Variants in ADCY5 observed in about 807,000 individuals in gnomAD.
ADCY5 encodes the protein adenylate cyclase type 5.
Under a neutral mutation model 119.7 loss-of-function variants are expected in ADCY5, and 30 were observed. The observed-to-expected ratio is 0.25, with a 90% confidence interval of 0.19 to 0.34. ADCY5 has a LOEUF of 0.34. ADCY5 is among the 10% of genes least tolerant of loss of function. ADCY5 has a pLI of 1.00. For missense variants in ADCY5, 1,324 were observed against 1,775.2 expected, an observed-to-expected ratio of 0.75 and a Z score of 4.57; for synonymous variants, 753 against 762.2, an observed-to-expected ratio of 0.99 and a Z score of 0.20.
In ADCY5 at chr3:123,428,686, T is replaced by C. The variant is rs1576691228; in HGVS notation, c.1134+18726A>G. Among the ~76,000 whole-genome samples the C allele has an allele frequency of 2.0e-5, 3 of 152,366 alleles. No homozygotes were observed. The South Asian group carries it at 6.2e-4, about 32-fold the overall frequency. ...AAAGGAGAACCTGATAACGTCAATC[T>C]GTTCTCCCCCTGGGAAGAGCACTGG... On this transcript the variant is annotated intron_variant, in intron 1 of 20. Coordinates refer to ENST00000462833, the MANE Select transcript of ADCY5 (RefSeq NM_183357.3).
intron 1 of ADCY5, among the ~76,000 whole-genome samples, chr3:123,416,981 C>T (rs182430957): frequency 3.9e-5 from 6 of 152,184 alleles, no homozygotes; most frequent in African/African-American, 1.4e-4. Context: ...AGGGAGAATC[C>T]TCATCCGACC....
In ADCY5 at chr3:123,330,990, G is replaced by A. The variant is rs764940624; in HGVS notation, c.1545C>T (p.Ile515=). The change falls in exon 5 of 21, where the codon ATC becomes ATT. Residue 515 remains isoleucine (I), a synonymous_variant. Coordinates refer to ENST00000462833, the MANE Select transcript of ADCY5 (RefSeq NM_183357.3). The stretch of plus-strand genomic sequence containing the variant: ...AGACGCAGTAATAACAATCCCCAAG[G>A]ATCTTAATACGTAAACAGTGATTCT... The part of the protein sequence containing the change: ...AAENHCLRIK[I]LGDCYYCVSG... 1.9e-6 allele frequency: 3 copies of A among 1,613,730 alleles called. No individual in the cohort carries two copies. The highest frequency in any genetic ancestry group is 2.5e-6 in the Non-Finnish European group (3 of 1,179,734).
At chr3:123,297,730 G>A (rs1158973250) in intron 15 of ADCY5, among the ~76,000 whole-genome samples, 2 of 152,334 alleles carry the variant, frequency 1.3e-5, no homozygotes, top group African/African-American at 2.4e-5. Flanking sequence ...CCACAGCTGC[G>A]CTGCTTGGTG....
chr3:123,297,192 G>A (rs928986193), intron 16 of ADCY5, 161 bp downstream of exon 16: 29 of 1,333,100 alleles, frequency 2.2e-5, no homozygotes, highest in African/African-American at 1.2e-4. Flanking sequence ...CCCCGAGGAC[G>A]CCTTGCTACC....
At chr3:123,434,374 T>C (rs978967336) in intron 1 of ADCY5, among the ~76,000 whole-genome samples, 1 of 152,010 alleles carries the variant, frequency 6.6e-6, no homozygotes, top group Admixed American at 6.6e-5. Context: ...ACAGATCCAG[T>C]CAATCAGGAA....
intron 1 of ADCY5, among the ~76,000 whole-genome samples, chr3:123,411,895 G>C (rs1041640433): frequency 6.6e-6 from 1 of 152,120 alleles, no homozygotes; most frequent in African/African-American, 2.4e-5. Flanking sequence ...CCCATCCCCT[G>C]CCCCCGCATA....
At chr3:123,369,645 ATG>A (rs1295270063) in intron 1 of ADCY5, among the ~76,000 whole-genome samples, 1 of 152,236 alleles carries the variant, frequency 6.6e-6, no homozygotes. Context: ...AAATGAGCTA[ATG>A]TGCAAACGAG....
intron 1 of ADCY5, among the ~76,000 whole-genome samples, chr3:123,358,155 C>CATGTGTGT (rs1943105100): frequency 7.1e-6 from 1 of 140,860 alleles, no homozygotes; most frequent in Non-Finnish European, 1.5e-5. Flanking sequence ...ACATGGAACA[C>CATGTGTGT]GTGTGTGTGT....
chr3:123,311,381 G>A (rs1940569040), intron 12 of ADCY5, among the ~76,000 whole-genome samples: 1 of 152,230 alleles, frequency 6.6e-6, no homozygotes, highest in African/African-American at 2.4e-5. Context: ...TCAGAGACAG[G>A]CAGACATTCA....
intron 5 of ADCY5, among the ~76,000 whole-genome samples, 159 bp from the exon 6 acceptor site, chr3:123,328,961 A>T (rs55736021): frequency 0.012 from 1,823 of 152,242 alleles, 31 homozygotes; most frequent in African/African-American, 0.04. Context: ...CCTGAAGGGC[A>T]CTGGGGCGGG....
chr3:123,427,663 A>G (rs1430871177), intron 1 of ADCY5, among the ~76,000 whole-genome samples: 1 of 152,164 alleles, frequency 6.6e-6, no homozygotes, highest in Non-Finnish European at 1.5e-5. Flanking sequence ...TCCTTGTGTG[A>G]GCTTGGGCAA....
At chr3:123,434,025 G>T (rs1945566391) in intron 1 of ADCY5, among the ~76,000 whole-genome samples, 1 of 152,178 alleles carries the variant, frequency 6.6e-6, no homozygotes, top group Admixed American at 6.5e-5. Flanking sequence ...CATGGGGAAA[G>T]GAGGGCCATC....
chr3:123,437,771 T>TA (rs370797480), intron 1 of ADCY5, among the ~76,000 whole-genome samples: 1 of 152,148 alleles, frequency 6.6e-6, no homozygotes, highest in African/African-American at 2.4e-5. Context: ...AGCCACGCAC[T>TA]CAGTGCCTTG....
chr3:123,438,189 G>A (rs1045347137), intron 1 of ADCY5, among the ~76,000 whole-genome samples: 3 of 152,292 alleles, frequency 2.0e-5, no homozygotes, highest in Admixed American at 6.5e-5. Context: ...TGCCCTCCCC[G>A]CAGTAGGTTC....
chr3:123,307,089 C>A (rs1323675529), intron 12 of ADCY5, among the ~76,000 whole-genome samples: 1 of 150,378 alleles, frequency 6.6e-6, no homozygotes, highest in African/African-American at 2.5e-5. Flanking sequence ...GTGATCAGGG[C>A]AGGGGGAGTG....
At chr3:123,329,745 C>T (rs1017275532) in intron 5 of ADCY5, among the ~76,000 whole-genome samples, 1 of 152,188 alleles carries the variant, frequency 6.6e-6, no homozygotes, top group East Asian at 1.9e-4. Context: ...CATCCCACGC[C>T]ATCAGCAAGA....
chr3:123,291,300 T>C lies in ADCY5; in HGVS notation c.3140A>G (p.Asp1047Gly). Residue 1047 changes from aspartate to glycine, a missense_variant, in exon 18 of 21, where the codon GAC becomes GGC. Asp to Gly is a moderately conservative substitution (Grantham distance 94). Coordinates refer to ENST00000462833, the MANE Select transcript of ADCY5 (RefSeq NM_183357.3). ...RRLLHNILPK[D>G]VAAHFLARER... ...GCGGGCCAGGAAGTGAGCGGCCACGTCCTTGGGCAGGATGTTGTGCAGCAG... is the reference window on the plus strand; with the variant it reads ...GCGGGCCAGGAAGTGAGCGGCCACGCCCTTGGGCAGGATGTTGTGCAGCAG... 1 of 1,613,934 alleles carries C rather than the reference T, an allele frequency of 6.2e-7. No homozygotes were observed. The highest frequency in any genetic ancestry group is 2.2e-5 in the East Asian group (1 of 44,880).
chr3:123,321,223 G>T (rs774856281), intron 8 of ADCY5, among the ~76,000 whole-genome samples: 1 of 152,066 alleles, frequency 6.6e-6, no homozygotes, highest in Non-Finnish European at 1.5e-5. Flanking sequence ...ACATCACACC[G>T]AGCACACATA....
intron 10 of ADCY5, among the ~76,000 whole-genome samples, chr3:123,319,136 C>G (rs548578990): frequency 6.6e-6 from 1 of 152,202 alleles, no homozygotes; most frequent in African/African-American, 2.4e-5. Context: ...GGTGGATCAC[C>G]TGAGGTCAGG....
Sources: gnomAD v4.1 joint callset for allele counts (sites outside exome capture counted in the v4.1 genomes callset) on GRCh38, gnomAD v4.1.1 for gene constraint, MANE v1.5 for transcripts, NCBI Gene and HGNC (gene_info 2026-07-23, HGNC 2026-07-21) for gene names.